Variants in HSD17B12 observed in about 807,000 individuals in gnomAD.
HSD17B12 encodes very-long-chain 3-oxoacyl-CoA reductase.
In HSD17B12, 32 loss-of-function variants were observed where a neutral mutation model predicts 39.3. The ratio of observed to expected loss-of-function variants is 0.81; its 90% CI spans 0.61 to 1.09. The LOEUF is 1.09. HSD17B12 is among the 50% of genes least tolerant of loss of function. The probability of loss-of-function intolerance (pLI) is 0.00; values close to 1 mark genes in which losing one functional copy is unlikely to be tolerated. For synonymous variants in HSD17B12, 150 were observed against 146.7 expected, an observed-to-expected ratio of 1.02 and a Z score of -0.16; for missense variants, 342 against 382.9, an observed-to-expected ratio of 0.89 and a Z score of 0.89.
chr11:43,689,713 AT>A (rs1949834833), intron 1 of HSD17B12, among the ~76,000 whole-genome samples: 1 of 151,488 alleles, frequency 6.6e-6, no homozygotes, highest in Non-Finnish European at 1.5e-5. Context: ...CACCCTGATA[AT>A]TTTTTTGTAT....
intron 1 of HSD17B12, among the ~76,000 whole-genome samples, chr11:43,720,437 T>G (rs1950166238): frequency 6.6e-6 from 1 of 152,218 alleles, no homozygotes; most frequent in African/African-American, 2.4e-5. Context: ...TCCACCACTG[T>G]GTAACATGAG....
chr11:43,634,524 G>C, the HSD17B12 span, among the ~76,000 whole-genome samples: 1 of 152,162 alleles, frequency 6.6e-6, no homozygotes, highest in East Asian at 1.9e-4. Context: ...GGTTTACATA[G>C]ACCAGTACTG....
In HSD17B12 at chr11:43,855,261, G is replaced by A. The variant is rs573019251; in HGVS notation, c.*13G>A. 8.5e-5 allele frequency: 131 copies of A among 1,544,970 alleles called. No individual in the cohort carries two copies. Among genetic ancestry groups the A allele is most frequent in the Middle Eastern group, 3.5e-4 (2 of 5,718 alleles). On this transcript the variant is annotated 3_prime_UTR_variant, in exon 11 of 11. Coordinates refer to ENST00000278353, the MANE Select transcript of HSD17B12 (RefSeq NM_016142.3). ...CAAGAAGAACTAAGCATTGATAACT[G>A]CATTGTAACTTGGCCAGATGCTCCA...
rs1468809374 is a variant in HSD17B12 at position 43,690,395 on chromosome 11, TATATATATA to T, written c.160+9409_160+9417del. On this transcript the variant is annotated intron_variant, in intron 1 of 10. Transcript: ENST00000278353. ...ATATATATATATATATATATATATA[TATATATATA>T]TTTTTTTTTTTTTTTTTCTGAGACA... Among the ~76,000 whole-genome samples, 22 of 35,502 alleles carry T rather than the reference TATATATATA, an allele frequency of 6.2e-4. 1 individual carries two copies. The highest frequency in any genetic ancestry group is 9.0e-4 in the Non-Finnish European group (18 of 20,080). 23.3% of individuals were successfully genotyped at this position (35,502 alleles called of 152,430 possible).
chr11:43,713,398 G>A (rs1270984316), intron 1 of HSD17B12, among the ~76,000 whole-genome samples: 6 of 151,314 alleles, frequency 4.0e-5, no homozygotes, highest in African/African-American at 4.9e-5. Context: ...TTGTCTTTGC[G>A]ATAGTTTGCT....
chr11:43,574,240 C>A, the HSD17B12 span, among the ~76,000 whole-genome samples: 3 of 152,222 alleles, frequency 2.0e-5, no homozygotes, highest in African/African-American at 7.2e-5. Flanking sequence ...AGGGAGATGA[C>A]ACAGCTGAGG....
At chr11:43,587,230 C>G in the HSD17B12 span, among the ~76,000 whole-genome samples, 1 of 152,016 alleles carries the variant, frequency 6.6e-6, no homozygotes, top group Non-Finnish European at 1.5e-5. Flanking sequence ...ATGTATCAGG[C>G]CTTATTCTAG....
chr11:43,729,487 G>C lies in HSD17B12; in HGVS notation c.161-21424G>C, dbSNP rs145484518. 1.2e-4 allele frequency among the ~76,000 whole-genome samples: 19 copies of C among 152,254 alleles called. No individual in the cohort carries two copies. In the East Asian group the frequency reaches 3.7e-3, roughly 29 times the overall value. ...TAGTCCAGACAGTAAACTTCGTTAA[G>C]TAATTTACATTTGAAACTTTTGCTG... On this transcript the variant is annotated intron_variant, in intron 1 of 10. Transcript: ENST00000278353.
chr11:43,798,658 C>T (rs10838172), intron 4 of HSD17B12, among the ~76,000 whole-genome samples: 5 of 151,860 alleles, frequency 3.3e-5, no homozygotes, highest in African/African-American at 7.3e-5. Flanking sequence ...TTCTCTTATT[C>T]TCTGTGTATA....
intron 1 of HSD17B12, among the ~76,000 whole-genome samples, chr11:43,689,484 A>G (rs1949832616): frequency 6.7e-6 from 1 of 150,220 alleles, no homozygotes; most frequent in Non-Finnish European, 1.5e-5. Flanking sequence ...TCAGATTAAA[A>G]CTCAGTATTT....
In HSD17B12 at chr11:43,831,022, G is replaced by A; in HGVS notation, c.536+12G>A. The A allele has an allele frequency of 6.2e-7, 1 of 1,605,824 alleles. No individual in the cohort carries two copies. The highest frequency in any genetic ancestry group is 1.1e-5 in the South Asian group (1 of 89,842). ...GGCATGGTGGAAAGGTGAGTCACAA[G>A]CTCACATACAAACACTGTGGAAGCA... is the stretch of plus-strand genomic sequence containing the variant. On this transcript the variant is annotated intron_variant, in intron 7 of 10. Coordinates refer to ENST00000278353, the MANE Select transcript of HSD17B12 (RefSeq NM_016142.3). This position sits in a 1 kb window ranked among gnomAD's most constrained non-coding sequence, Gnocchi z 4.1.
chr11:43,828,244 G>A (rs1252515103), intron 6 of HSD17B12, among the ~76,000 whole-genome samples: 1 of 148,352 alleles, frequency 6.7e-6, no homozygotes, highest in African/African-American at 2.5e-5. Flanking sequence ...CCGGGTTCAC[G>A]CCATTCTCCT....
intron 1 of HSD17B12, chr11:43,734,483 G>T: frequency 1.5e-6 from 1 of 652,410 alleles, no homozygotes; most frequent in Non-Finnish European, 2.8e-6. Context: ...GGAAGTCGTG[G>T]AGGACATTGC....
At chr11:43,718,111 A>G (rs1370827683) in intron 1 of HSD17B12, among the ~76,000 whole-genome samples, 3 of 152,096 alleles carry the variant, frequency 2.0e-5, no homozygotes, top group Non-Finnish European at 4.4e-5. Context: ...GGCCAGTTCT[A>G]CCAAATTATG....
chr11:43,768,760 G>C (rs184664049), intron 3 of HSD17B12, among the ~76,000 whole-genome samples: 46 of 152,334 alleles, frequency 3.0e-4, no homozygotes, highest in Admixed American at 8.5e-4. Flanking sequence ...AAGGAGACCA[G>C]AGCGGGTTGC....
At chr11:43,640,664 A>G in the HSD17B12 span, among the ~76,000 whole-genome samples, 1 of 152,078 alleles carries the variant, frequency 6.6e-6, no homozygotes, top group Non-Finnish European at 1.5e-5. Flanking sequence ...AGGCTAGTTA[A>G]TTATTTAAAT....
chr11:43,661,125 A>C, the HSD17B12 span, among the ~76,000 whole-genome samples: 4 of 152,098 alleles, frequency 2.6e-5, no homozygotes, highest in Non-Finnish European at 5.9e-5. Flanking sequence ...ACTCCATCTC[A>C]ATAATAATAA....
the HSD17B12 span, among the ~76,000 whole-genome samples, chr11:43,609,490 C>T: frequency 2.0e-5 from 3 of 151,786 alleles, no homozygotes; most frequent in Non-Finnish European, 4.4e-5. Flanking sequence ...CTCAGCCTCC[C>T]AAGTAACTAG....
intron 6 of HSD17B12, among the ~76,000 whole-genome samples, chr11:43,826,081 C>CTTTTTTTTTT (rs71481435): frequency 1.6e-4 from 12 of 75,268 alleles, no homozygotes; most frequent in Admixed American, 2.3e-4. Context: ...CTTTTTTTTT[C>CTTTTTTTTTT]TTTTTTTTTT....
Sources: gnomAD v4.1 joint callset for allele counts (sites outside exome capture counted in the v4.1 genomes callset) on GRCh38, gnomAD v4.1.1 for gene constraint, Gnocchi (gnomAD v3.1) non-coding constraint, MANE v1.5 for transcripts, NCBI Gene and HGNC (gene_info 2026-07-23, HGNC 2026-07-21) for gene names.